The following PRUNE2 variants were observed in gnomAD, a reference collection of about 807,000 sequenced individuals.
The protein encoded by PRUNE2 is prune homolog 2 with BCH domain, also known as protein prune homolog 2.
PRUNE2 carries 164 observed loss-of-function variants against 252.0 expected under a neutral mutation model. The observed-to-expected ratio is 0.65, with a 90% confidence interval of 0.57 to 0.74. The LOEUF (loss-of-function observed/expected upper bound fraction) is 0.74, where lower values mean the gene tolerates loss of function less well. Among genes scored for constraint, PRUNE2 ranks in the 30% least tolerant of loss-of-function variants. The pLI is 0.00. For synonymous variants in PRUNE2, 1,292 were observed against 1,350.2 expected, an observed-to-expected ratio of 0.96 and a Z score of 0.94; for missense variants, 3,495 against 3,711.0, an observed-to-expected ratio of 0.94 and a Z score of 1.51.
rs746686918 is a variant in PRUNE2 at position 76,713,614 on chromosome 9, CT to C, written c.863del (p.Gln288ArgfsTer31). 2 of 1,606,604 alleles carry C rather than the reference CT, an allele frequency of 1.2e-6. No homozygotes were observed. The highest frequency in any genetic ancestry group is 1.7e-6 in the Non-Finnish European group (2 of 1,176,586). ...AGTACACAGCAATCTGTCGTCTCGG[CT>C]GCTGCTCCTCTGACAGATAGCTGGA... Reference protein sequence around the residue: ...LFSSYLSEEQQPRRQIAVYSE... With the variant: ...LFSSYLSEEQXPRRQIAVYSE... On this transcript the variant is annotated frameshift_variant, in exon 7 of 19. Transcript: ENST00000376718. LOFTEE classifies it high-confidence loss of function.
chr9:76,746,711 CAAAAAAAAAAAAAAAA>C (rs57001696), intron 6 of PRUNE2, among the ~76,000 whole-genome samples: 1 of 76,132 alleles, frequency 1.3e-5, no homozygotes, highest in Non-Finnish European at 2.3e-5. Context: ...GACTCCGTCT[CAAAAAAAAAAAAAAAA>C]AAAAAAAAAA....
intron 1 of PRUNE2, 71 bp downstream of exon 1, chr9:76,905,857 A>C: frequency 1.1e-5 from 17 of 1,594,204 alleles, no homozygotes; most frequent in Non-Finnish European, 1.4e-5. Flanking sequence ...CTGCTGCAAC[A>C]CCTTTTCCTC....
chr9:76,906,091 C>A lies in PRUNE2; in HGVS notation c.-128G>T. On this transcript the variant is annotated 5_prime_UTR_variant, in exon 1 of 19. Transcript: ENST00000376718. ...GCAGCGACCGACTGCTCCCTCCTGC[C>A]GCTCTGAGGCGGCTGCGGCGGAGGC... 2 of 996,872 alleles carry A rather than the reference C, an allele frequency of 2.0e-6. No homozygotes were observed. Among genetic ancestry groups the A allele is most frequent in the South Asian group, 1.3e-5 (1 of 75,984 alleles). The allele number at this position is 996,872 out of a possible 1,614,324, so 61.8% of individuals were successfully genotyped here.
intron 6 of PRUNE2, among the ~76,000 whole-genome samples, chr9:76,799,669 A>C (rs1168383156): frequency 6.6e-6 from 1 of 152,220 alleles, no homozygotes; most frequent in Non-Finnish European, 1.5e-5. Context: ...CTGGGTTGTC[A>C]GGGCAATAAA....
intron 9 of PRUNE2, among the ~76,000 whole-genome samples, chr9:76,688,379 G>A (rs1406843650): frequency 6.6e-6 from 1 of 152,202 alleles, no homozygotes; most frequent in African/African-American, 2.4e-5. Context: ...GCTCTGTCTT[G>A]TTCCATTGAG....
At chr9:76,683,240 G>T (rs937101219) in intron 9 of PRUNE2, among the ~76,000 whole-genome samples, 2 of 152,194 alleles carry the variant, frequency 1.3e-5, no homozygotes, top group Non-Finnish European at 2.9e-5. Context: ...CTTCCAAGGA[G>T]ACTCAACCCA....
intron 9 of PRUNE2, among the ~76,000 whole-genome samples, chr9:76,683,684 T>A (rs2043742640): frequency 6.6e-6 from 1 of 152,134 alleles, no homozygotes; most frequent in South Asian, 2.1e-4. Context: ...CTTCATATAT[T>A]TGTTGGATGA....
At chr9:76,624,610 G>A in intron 16 of PRUNE2, 120 bp from the exon 17 acceptor site, 1 of 577,420 alleles carries the variant, frequency 1.7e-6, no homozygotes, top group Non-Finnish European at 2.8e-6. Context: ...TTTCGAAACT[G>A]TCTTCTGGAG....
intron 1 of PRUNE2, among the ~76,000 whole-genome samples, chr9:76,858,198 A>C (rs2060359922): frequency 6.6e-6 from 1 of 152,256 alleles, no homozygotes; most frequent in African/African-American, 2.4e-5. Context: ...CTAAGGATAT[A>C]GCAATAAACC....
chr9:76,865,205 T>C (rs1442061571), intron 1 of PRUNE2, among the ~76,000 whole-genome samples: 1 of 152,146 alleles, frequency 6.6e-6, no homozygotes, highest in Non-Finnish European at 1.5e-5. Flanking sequence ...TTAAAATATG[T>C]TTTACAGCCA....
intron 15 of PRUNE2, among the ~76,000 whole-genome samples, chr9:76,631,518 A>C (rs1207223578): frequency 1.3e-5 from 2 of 151,974 alleles, no homozygotes; most frequent in African/African-American, 2.4e-5. Flanking sequence ...ACTCACCCTC[A>C]CCTTGAGTCA....
At chr9:76,689,026 T>C (rs1330553536) in intron 9 of PRUNE2, among the ~76,000 whole-genome samples, 1 of 152,222 alleles carries the variant, frequency 6.6e-6, no homozygotes, top group African/African-American at 2.4e-5. Context: ...CAACACTTTC[T>C]GACCTTTAAG....
intron 6 of PRUNE2, among the ~76,000 whole-genome samples, chr9:76,745,407 A>G (rs1361340983): frequency 6.6e-6 from 1 of 152,188 alleles, no homozygotes; most frequent in African/African-American, 2.4e-5. Context: ...CCTACAGATA[A>G]CATCACTATT....
At chr9:76,626,130 C>T (rs1834645439) in intron 16 of PRUNE2, among the ~76,000 whole-genome samples, 1 of 152,178 alleles carries the variant, frequency 6.6e-6, no homozygotes, top group Admixed American at 6.5e-5. Flanking sequence ...CAGATGCTTG[C>T]AGGAACTGAA....
intron 4 of PRUNE2, among the ~76,000 whole-genome samples, chr9:76,840,610 G>A (rs2059330264): frequency 6.6e-6 from 1 of 152,318 alleles, no homozygotes; most frequent in South Asian, 2.1e-4. Context: ...TCTGGAAACA[G>A]ACATTTGCTA....
intron 1 of PRUNE2, among the ~76,000 whole-genome samples, chr9:76,881,753 C>G (rs546460874): frequency 7.2e-5 from 11 of 152,178 alleles, no homozygotes; most frequent in Admixed American, 6.5e-4. Context: ...TCCCGAGTAG[C>G]TGGGACTACA....
intron 4 of PRUNE2, among the ~76,000 whole-genome samples, chr9:76,837,441 A>AAATAAT (rs57793891): frequency 0.18 from 24,791 of 134,390 alleles, 2,374 homozygotes; most frequent in Middle Eastern, 0.21. Context: ...ACTCTGTCTC[A>AAATAAT]AATAATAATA....
chr9:76,635,430 C>T (rs1001863490), intron 15 of PRUNE2, among the ~76,000 whole-genome samples: 1 of 152,016 alleles, frequency 6.6e-6, no homozygotes, highest in Non-Finnish European at 1.5e-5. Context: ...CTGATAACTT[C>T]GTTTTTTCAG....
At chr9:76,844,917 A>C (rs941863362) in intron 4 of PRUNE2, among the ~76,000 whole-genome samples, 2 of 149,150 alleles carry the variant, frequency 1.3e-5, no homozygotes, top group Non-Finnish European at 3.0e-5. Flanking sequence ...TAATTACAGC[A>C]CTTTGGGAGA....
Sources: allele counts gnomAD v4.1 joint callset (sites outside exome capture counted in the v4.1 genomes callset), GRCh38; gene constraint gnomAD v4.1.1; transcripts MANE v1.5; gene names NCBI Gene and HGNC (gene_info 2026-07-23, HGNC 2026-07-21).